The following PLEKHH2 variants were observed in gnomAD, a reference collection of about 807,000 sequenced individuals.
PLEKHH2 encodes the protein pleckstrin homology, MyTH4 and FERM domain containing H2, also known as pleckstrin homology domain-containing family H member 2.
Under a neutral mutation model 187.9 loss-of-function variants are expected in PLEKHH2, and 129 were observed. That is an observed-to-expected ratio of 0.69 (90% CI 0.59 to 0.79). The LOEUF is 0.79. Among genes scored for constraint, PLEKHH2 ranks in the 30% least tolerant of loss-of-function variants. PLEKHH2 has a pLI of 0.00. For missense variants in PLEKHH2, 2,076 were observed against 1,751.2 expected, an observed-to-expected ratio of 1.19 and a Z score of -3.31; for synonymous variants, 686 against 605.6, an observed-to-expected ratio of 1.13 and a Z score of -1.95.
chr2:43,701,395 T>G (rs1669354835), intron 8 of PLEKHH2, among the ~76,000 whole-genome samples: 1 of 151,968 alleles, frequency 6.6e-6, no homozygotes, highest in South Asian at 2.1e-4. Flanking sequence ...GAGGGGAAAG[T>G]GAATAGGTGG....
At chr2:43,701,199 C>A (rs1478541595) in intron 8 of PLEKHH2, among the ~76,000 whole-genome samples, 1 of 152,204 alleles carries the variant, frequency 6.6e-6, no homozygotes, top group Non-Finnish European at 1.5e-5. Context: ...AGCCCTGGAC[C>A]ACCACAGGAT....
intron 12 of PLEKHH2, 42 bp from the exon 13 acceptor site, chr2:43,710,178 A>C (rs1332518171): frequency 8.7e-6 from 14 of 1,611,124 alleles, no homozygotes; most frequent in Non-Finnish European, 1.1e-5. Context: ...TGAGCCTCCA[A>C]AAGGAAACTG....
chr2:43,675,486 G>A lies in PLEKHH2; in HGVS notation c.124-3377G>A, dbSNP rs776224264. ...ACATCATTACTTCCATCTTTTGGGG[G>A]GTCAGTCCATTGAAAGTAATAGCCA... On this transcript the variant is annotated intron_variant, in intron 2 of 29. Transcript: ENST00000282406. The A allele has an allele frequency of 5.0e-6, 8 of 1,613,812 alleles. No individual in the cohort carries two copies. The African/African-American group carries it at 1.1e-4, about 22-fold the overall frequency.
At chr2:43,723,322 GT>G (rs953387232) in intron 16 of PLEKHH2, among the ~76,000 whole-genome samples, 1 of 151,990 alleles carries the variant, frequency 6.6e-6, no homozygotes, top group African/African-American at 2.4e-5. Flanking sequence ...ATTTATTTAA[GT>G]TTTACATCAC....
At chr2:43,706,888 C>A (rs765649822) in intron 10 of PLEKHH2, among the ~76,000 whole-genome samples, 1 of 152,004 alleles carries the variant, frequency 6.6e-6, no homozygotes, top group Non-Finnish European at 1.5e-5. Flanking sequence ...AAAATACATT[C>A]CCAAATTCCT....
At chr2:43,676,451 G>A (rs763673675) in intron 2 of PLEKHH2, 5 of 687,540 alleles carry the variant, frequency 7.3e-6, no homozygotes, top group East Asian at 5.4e-5. Context: ...GTCGCTTCTC[G>A]GTGGCGTAGA....
At chr2:43,703,914 GTCTTTTT>G (rs1558524376) in intron 8 of PLEKHH2, 60 bp from the exon 9 acceptor site, 1 of 652,108 alleles carries the variant, frequency 1.5e-6, no homozygotes, top group South Asian at 1.7e-5. Context: ...ATTGAAAGTA[GTCTTTTT>G]TTTTTTTTTT....
At chr2:43,733,266 G>A (rs1348482928) in intron 19 of PLEKHH2, among the ~76,000 whole-genome samples, 1 of 151,748 alleles carries the variant, frequency 6.6e-6, no homozygotes, top group Non-Finnish European at 1.5e-5. Flanking sequence ...GGGAGGCTGA[G>A]GCAGGAGAAT....
At chr2:43,687,285 G>C (rs924708083) in intron 3 of PLEKHH2, among the ~76,000 whole-genome samples, 10 of 152,138 alleles carry the variant, frequency 6.6e-5, no homozygotes, top group Non-Finnish European at 8.8e-5. Flanking sequence ...TTAGGATAAT[G>C]ACCTCCAGTT....
At chr2:43,764,475 G>A in intron 29 of PLEKHH2, 110 bp downstream of exon 29, 1 of 1,124,704 alleles carries the variant, frequency 8.9e-7, no homozygotes, top group Non-Finnish European at 1.3e-6. Flanking sequence ...CATTTATTCA[G>A]CAAAGACTGC....
rs529450908 is a variant in PLEKHH2 at position 43,721,258 on chromosome 2, T to A, written c.2541+509T>A. 3.9e-5 allele frequency among the ~76,000 whole-genome samples: 6 copies of A among 152,306 alleles called. No individual in the cohort carries two copies. The East Asian group carries it at 1.2e-3, about 29-fold the overall frequency. On this transcript the variant is annotated intron_variant, in intron 16 of 29. Transcript: ENST00000282406. ...TATTTTAAATTTCAGAATAAAAAGA[T>A]GGGGTGTCTGCCCAAAGGTAAAACG...
Position 43,692,579 on chromosome 2 carries a change from A to G in PLEKHH2, c.252A>G (p.Leu84=), listed in dbSNP as rs375812602. The G allele has an allele frequency of 1.9e-6, 3 of 1,604,182 alleles. No homozygotes were observed. In the African/African-American group the frequency reaches 4.0e-5, roughly 21 times the overall value. The part of the protein sequence containing the change: ...NIQTSESETR[L]YNKCQDLESL... ...AAACCAGTGAATCAGAGACAAGATT[A>G]TATAATAAGTGTCAAGATCTGGAGT... The change falls in exon 4 of 30, where the codon TTA becomes TTG. Residue 84 remains leucine (L), a synonymous_variant. Coordinates refer to ENST00000282406, the MANE Select transcript of PLEKHH2 (RefSeq NM_172069.4).
chr2:43,744,801 G>A (rs1467141562), intron 23 of PLEKHH2, among the ~76,000 whole-genome samples: 4 of 149,758 alleles, frequency 2.7e-5, no homozygotes, highest in African/African-American at 4.9e-5. Context: ...CCATGAGGTC[G>A]AGGCTGCAGT....
chr2:43,722,228 C>G (rs1028629667), intron 16 of PLEKHH2, among the ~76,000 whole-genome samples: 4 of 149,228 alleles, frequency 2.7e-5, no homozygotes, highest in Non-Finnish European at 5.9e-5. Context: ...TGCATTCCAG[C>G]CTGGGCGACA....
rs112844406 is a variant in PLEKHH2 at position 43,676,385 on chromosome 2, C to T, written c.124-2478C>T. 1.8e-3 allele frequency: 2,462 copies of T among 1,369,576 alleles called. 47 individuals are homozygous for T. In the African/African-American group the frequency reaches 0.032, roughly 18 times the overall value. 84.8% of individuals were successfully genotyped at this position (1,369,576 alleles called of 1,614,324 possible). ...AGCCTGGGACCGGGTCCTGGGGTCC[C>T]GCGCCTTCCGGAGCTGGCGGCTGCG... On this transcript the variant is annotated intron_variant, in intron 2 of 29. Transcript: ENST00000282406.
chr2:43,706,534 A>G (rs1669666829), intron 10 of PLEKHH2, 118 bp downstream of exon 10: 2 of 730,952 alleles, frequency 2.7e-6, no homozygotes, highest in African/African-American at 1.8e-5. Flanking sequence ...CCCTTTATAG[A>G]AAGTTTTACA....
chr2:43,762,363 T>C lies in PLEKHH2; in HGVS notation c.4131T>C (p.Gly1377=), dbSNP rs767243562. ...TGTGGCTGGCTGTACATGAGGATGG[T>C]TTAAGCCTCTTAGAATACAACTCCA... ...TFLWLAVHED[G]LSLLEYNSMR... Residue 1377 remains glycine, a synonymous_variant, in exon 28 of 30, where the codon GGT becomes GGC. Coordinates refer to ENST00000282406, the MANE Select transcript of PLEKHH2 (RefSeq NM_172069.4). 8.7e-6 allele frequency: 14 copies of C among 1,612,164 alleles called. No individual in the cohort carries two copies. In the East Asian group the frequency reaches 2.9e-4, roughly 33 times the overall value.
intron 15 of PLEKHH2, among the ~76,000 whole-genome samples, chr2:43,713,400 T>G (rs549174457): frequency 6.6e-6 from 1 of 152,010 alleles, no homozygotes; most frequent in Admixed American, 6.6e-5. Flanking sequence ...AAAGAAAAAT[T>G]GGGATCAAAT....
At chr2:43,759,381 C>T (rs1208642654) in intron 27 of PLEKHH2, among the ~76,000 whole-genome samples, 1 of 152,220 alleles carries the variant, frequency 6.6e-6, no homozygotes, top group Non-Finnish European at 1.5e-5. Context: ...AAACATTGAG[C>T]TAAGCTCTAG....
Sources: gnomAD v4.1 joint callset for allele counts (sites outside exome capture counted in the v4.1 genomes callset) on GRCh38, gnomAD v4.1.1 for gene constraint, MANE v1.5 for transcripts, NCBI Gene and HGNC (gene_info 2026-07-23, HGNC 2026-07-21) for gene names.